Variants in QPRT observed in about 807,000 individuals in gnomAD.
QPRT encodes nicotinate-nucleotide pyrophosphorylase [carboxylating].
In QPRT, 17 loss-of-function variants were observed where a neutral mutation model predicts 19.8. The ratio of observed to expected loss-of-function variants is 0.86; its 90% CI spans 0.59 to 1.29. The LOEUF is 1.29. QPRT is among the 50% of genes most tolerant of loss of function. The pLI is 0.00. For synonymous variants in QPRT, 178 were observed against 191.0 expected (o/e 0.93, Z 0.56); for missense variants, 336 against 405.1 (o/e 0.83, Z 1.46).
intron 1 of QPRT, among the ~76,000 whole-genome samples, chr16:29,679,482 G>A (rs1255719320): frequency 6.6e-6 from 1 of 152,182 alleles, no homozygotes; most frequent in African/African-American, 2.4e-5. Flanking sequence ...GTGGCCTGGA[G>A]GAGGTGGCGT....
intron 1 of QPRT, among the ~76,000 whole-genome samples, chr16:29,692,488 G>A (rs993994608): frequency 2.6e-5 from 4 of 151,944 alleles, no homozygotes; most frequent in African/African-American, 7.2e-5. Context: ...GGCTGGGGCA[G>A]GAGAATGGCG....
chr16:29,692,290 G>A (rs905748437), intron 1 of QPRT, among the ~76,000 whole-genome samples: 2 of 151,584 alleles, frequency 1.3e-5, no homozygotes, highest in African/African-American at 2.4e-5. Context: ...TTTTTTAAGT[G>A]TGGGTACTGG....
Position 29,697,278 on chromosome 16 carries a change from A to G in QPRT, c.761A>G (p.Asp254Gly), listed in dbSNP as rs775829503. The G allele has an allele frequency of 6.2e-7, 1 of 1,614,140 alleles. No individual in the cohort carries two copies. The highest frequency in any genetic ancestry group is 1.1e-5 in the South Asian group (1 of 91,080). Reference protein sequence around the residue: ...AVEASGGITLDNLPQFCGPHI... With the variant: ...AVEASGGITLGNLPQFCGPHI... ...GAAGCCAGTGGGGGCATCACCCTGG[A>G]CAACCTCCCCCAGTTCTGCGGGCCG... is the stretch of plus-strand genomic sequence containing the variant. Residue 254 changes from aspartate (D) to glycine (G), a missense_variant, in exon 4 of 4, where the codon GAC (aspartate) becomes GGC (glycine). By Grantham distance (94) the Asp-to-Gly change is moderately conservative (BLOSUM62 -1). Transcript: ENST00000395384. This position sits in a 1 kb window ranked among gnomAD's most constrained non-coding sequence, Gnocchi z 4.4.
intron 1 of QPRT, among the ~76,000 whole-genome samples, chr16:29,687,690 T>TCAC (rs1567329367): frequency 6.6e-6 from 1 of 152,038 alleles, no homozygotes; most frequent in Non-Finnish European, 1.5e-5. Flanking sequence ...GTGAGTCTAC[T>TCAC]TTTATTGCCA....
rs1309168278 is a variant in QPRT, at chr16:29,694,683, G to A, written c.33G>A (p.Pro11=). The A allele has an allele frequency of 7.8e-6, 12 of 1,546,138 alleles. No homozygotes were observed. The highest frequency in any genetic ancestry group is 2.7e-5 in the African/African-American group (2 of 73,146). MDAEGLALLL[P]PVTLAALVDS... is the part of the protein sequence containing the mutation. ...CCCCAGGCCTGGCGCTGCTGCTGCC[G>A]CCCGTCACCCTGGCAGCCCTGGTGG... The change falls in exon 2 of 4, where the codon CCG becomes CCA. Residue 11 remains proline (P), a synonymous_variant. Coordinates refer to ENST00000395384, the MANE Select transcript of QPRT (RefSeq NM_014298.6).
At chr16:29,690,981 C>T (rs962562630) in intron 1 of QPRT, among the ~76,000 whole-genome samples, 6 of 151,420 alleles carry the variant, frequency 4.0e-5, no homozygotes, top group African/African-American at 1.2e-4. Context: ...AGCCATGGTG[C>T]CCAGCCTGCA....
intron 1 of QPRT, among the ~76,000 whole-genome samples, chr16:29,690,277 T>C (rs904800040): frequency 1.3e-5 from 2 of 152,242 alleles, no homozygotes; most frequent in African/African-American, 4.8e-5. Flanking sequence ...CAGTCTAGCA[T>C]TGATGGGCAT....
At chr16:29,680,585 C>T (rs1029407452) in intron 1 of QPRT, among the ~76,000 whole-genome samples, 1 of 152,154 alleles carries the variant, frequency 6.6e-6, no homozygotes, top group African/African-American at 2.4e-5. Flanking sequence ...GGCTGTGTGA[C>T]CATGGGTGGG....
chr16:29,683,051 A>C (rs985321918), intron 1 of QPRT, among the ~76,000 whole-genome samples: 1 of 145,882 alleles, frequency 6.9e-6, no homozygotes, highest in African/African-American at 2.6e-5. Flanking sequence ...TTGAGATGGA[A>C]TCTCACTCTG....
intron 1 of QPRT, among the ~76,000 whole-genome samples, chr16:29,691,895 ACT>A (rs1967349405): frequency 6.6e-6 from 1 of 151,692 alleles, no homozygotes; most frequent in Non-Finnish European, 1.5e-5. Context: ...GTGAGTGGAG[ACT>A]CAGCAGCTTG....
Position 29,695,205 on chromosome 16 carries a change from G to A in QPRT, c.549+6G>A. 6.5e-7 allele frequency: 1 copy of A among 1,529,612 alleles called. No individual in the cohort carries two copies. Among genetic ancestry groups the A allele is most frequent in the Non-Finnish European group, 8.8e-7 (1 of 1,135,958 alleles). 94.8% of individuals were successfully genotyped at this position (1,529,612 alleles called of 1,614,324 possible). On this transcript the variant is annotated splice_donor_region_variant and intron_variant, in intron 2 of 3. Coordinates refer to ENST00000395384, the MANE Select transcript of QPRT (RefSeq NM_014298.6). Reference sequence around the variant, plus strand: ...CCGCCGGTGGCGTGGAGAAGGTGCTGGTCCTGCCTGTCCCTGGTCCAACCC... The same window carrying A: ...CCGCCGGTGGCGTGGAGAAGGTGCTAGTCCTGCCTGTCCCTGGTCCAACCC...
chr16:29,683,495 AC>A (rs1425570042), intron 1 of QPRT, among the ~76,000 whole-genome samples: 1 of 152,006 alleles, frequency 6.6e-6, no homozygotes, highest in African/African-American at 2.4e-5. Flanking sequence ...AGCTAGGACT[AC>A]AGGCGTGTGT....
Position 29,695,058 on chromosome 16 carries a change from C to T in QPRT, c.408C>T (p.Gly136=), listed in dbSNP as rs113148463. Residue 136 remains glycine, a synonymous_variant, in exon 2 of 4, where the codon GGC becomes GGT. Coordinates refer to ENST00000395384, the MANE Select transcript of QPRT (RefSeq NM_014298.6). ...CCGGCTGGACTGGGCACGTGGCAGG[C>T]ACGAGGAAGACCACGCCAGGCTTCC... The part of the protein sequence containing the change: ...RGAGWTGHVA[G]TRKTTPGFRL... 3.6e-3 allele frequency: 5,831 copies of T among 1,605,696 alleles called. 22 individuals are homozygous for T. The highest frequency in any genetic ancestry group is 3.5e-3 in the Non-Finnish European group (4,110 of 1,179,076).
chr16:29,691,681 G>A (rs920269913), intron 1 of QPRT, among the ~76,000 whole-genome samples: 1 of 152,106 alleles, frequency 6.6e-6, no homozygotes. Context: ...GAGTGGGAGT[G>A]GGGGATTAGG....
intron 1 of QPRT, among the ~76,000 whole-genome samples, chr16:29,684,924 G>A (rs1374566069): frequency 2.6e-5 from 4 of 152,110 alleles, no homozygotes; most frequent in Non-Finnish European, 5.9e-5. Context: ...CGCCATGGCT[G>A]GCACGCCATG....
chr16:29,697,073 G>C lies in QPRT; in HGVS notation c.627G>C (p.Val209=), dbSNP rs753926227. The part of the protein sequence containing the change: ...EVECSSLQEA[V]QAAEAGADLV... ...AATGCAGCAGCCTGCAGGAGGCCGT[G>C]CAGGCAGCTGAGGCTGGTGCCGACC... is the stretch of plus-strand genomic sequence containing the variant. The change falls in exon 3 of 4, where the codon GTG becomes GTC. Residue 209 remains valine, a synonymous_variant. Transcript: ENST00000395384. This position sits in a 1 kb window ranked among gnomAD's most constrained non-coding sequence, Gnocchi z 4.4. The C allele has an allele frequency of 5.6e-6, 9 of 1,611,864 alleles. No individual in the cohort carries two copies. The South Asian group carries it at 9.9e-5, about 18-fold the overall frequency.
intron 1 of QPRT, among the ~76,000 whole-genome samples, chr16:29,689,430 G>A (rs1054918602): frequency 1.2e-4 from 19 of 152,100 alleles, no homozygotes; most frequent in African/African-American, 4.1e-4. Flanking sequence ...TACATGTGCA[G>A]GTTTATTATA....
intron 1 of QPRT, among the ~76,000 whole-genome samples, chr16:29,692,440 G>A (rs1388296860): frequency 6.6e-6 from 1 of 151,886 alleles, no homozygotes; most frequent in African/African-American, 2.4e-5. Context: ...AATTAGCCAG[G>A]CGTGGTGGTG....
intron 1 of QPRT, among the ~76,000 whole-genome samples, chr16:29,685,008 T>G (rs1351251248): frequency 6.6e-6 from 1 of 152,146 alleles, no homozygotes; most frequent in Non-Finnish European, 1.5e-5. Flanking sequence ...GAATGACTCC[T>G]TCTGCCAGCT....
Sources: gnomAD v4.1 joint callset for allele counts (sites outside exome capture counted in the v4.1 genomes callset) on GRCh38, gnomAD v4.1.1 for gene constraint, Gnocchi (gnomAD v3.1) non-coding constraint, MANE v1.5 for transcripts, NCBI Gene and HGNC (gene_info 2026-07-23, HGNC 2026-07-21) for gene names.